TTLL5: variants seen among roughly 807,000 people sequenced by gnomAD.
The protein encoded by TTLL5 is tubulin polyglutamylase TTLL5.
Under a neutral mutation model 168.4 loss-of-function variants are expected in TTLL5, and 132 were observed. The observed-to-expected ratio is 0.78, with a 90% confidence interval of 0.68 to 0.91. TTLL5 has a LOEUF of 0.91. TTLL5 is among the 40% of genes least tolerant of loss of function. The pLI is 0.00. For missense variants in TTLL5, 1,545 were observed against 1,581.5 expected (o/e 0.98, Z 0.39); for synonymous variants, 546 against 558.6 (o/e 0.98, Z 0.32).
At chr14:75,827,233 G>A (rs940045429) in intron 28 of TTLL5, among the ~76,000 whole-genome samples, 2 of 151,968 alleles carry the variant, frequency 1.3e-5, no homozygotes, top group Non-Finnish European at 2.9e-5. Context: ...TGCTACACTG[G>A]GACACAGTTT....
At chr14:75,707,116 T>C in intron 8 of TTLL5, 29 bp downstream of exon 8, 1 of 1,581,812 alleles carries the variant, frequency 6.3e-7, no homozygotes, top group Non-Finnish European at 8.7e-7. Context: ...CTTGACCAAA[T>C]TGGGCCAGAT....
chr14:75,879,297 C>T (rs753356839), intron 29 of TTLL5, among the ~76,000 whole-genome samples: 1 of 152,164 alleles, frequency 6.6e-6, no homozygotes, highest in Non-Finnish European at 1.5e-5. Context: ...CATATGTTTC[C>T]GTTTTAAGAA....
At chr14:75,911,325 G>A (rs893984014) in intron 31 of TTLL5, among the ~76,000 whole-genome samples, 1 of 152,156 alleles carries the variant, frequency 6.6e-6, no homozygotes, top group Non-Finnish European at 1.5e-5. Context: ...GAGCCACCGC[G>A]CCCAGTCTGG....
At chr14:75,682,165 G>A (rs1011127993) in intron 4 of TTLL5, among the ~76,000 whole-genome samples, 86 of 150,972 alleles carry the variant, frequency 5.7e-4, no homozygotes, top group Non-Finnish European at 8.6e-4. Flanking sequence ...ACTCCAGCCT[G>A]GGTGACAGAG....
chr14:75,683,514 GT>G (rs1183067420), intron 4 of TTLL5, 35 bp from the exon 5 acceptor site: 3 of 1,523,288 alleles, frequency 2.0e-6, no homozygotes, highest in East Asian at 2.3e-5. Context: ...TATCTCTGAT[GT>G]TTTTTTGCCT....
chr14:75,730,466 G>C (rs1412810098), intron 12 of TTLL5, among the ~76,000 whole-genome samples: 1 of 152,140 alleles, frequency 6.6e-6, no homozygotes, highest in African/African-American at 2.4e-5. Flanking sequence ...CTCTTGTATA[G>C]TTTGTGATGA....
At chr14:75,671,332 G>GT (rs2140095093) in intron 3 of TTLL5, among the ~76,000 whole-genome samples, 2 of 152,276 alleles carry the variant, frequency 1.3e-5, no homozygotes, top group South Asian at 4.1e-4. Context: ...ATTGCGGATT[G>GT]TAAGTCCTCT....
intron 31 of TTLL5, among the ~76,000 whole-genome samples, chr14:75,931,383 G>A (rs1338089197): frequency 6.6e-6 from 1 of 152,094 alleles, no homozygotes; most frequent in Non-Finnish European, 1.5e-5. Flanking sequence ...CCTCCCCTCA[G>A]TCCGCATATT....
intron 3 of TTLL5, among the ~76,000 whole-genome samples, chr14:75,678,116 G>T (rs1456969533): frequency 6.6e-6 from 1 of 152,122 alleles, no homozygotes; most frequent in Non-Finnish European, 1.5e-5. Context: ...GACTTTTCAT[G>T]TGCAAAAATG....
At chr14:75,893,252 A>G (rs1261036666) in intron 30 of TTLL5, among the ~76,000 whole-genome samples, 1 of 152,204 alleles carries the variant, frequency 6.6e-6, no homozygotes, top group Non-Finnish European at 1.5e-5. Flanking sequence ...TCCAGAATTG[A>G]AGAAGACATG....
intron 24 of TTLL5, among the ~76,000 whole-genome samples, chr14:75,781,047 G>T (rs1211086853): frequency 6.6e-6 from 1 of 152,154 alleles, no homozygotes; most frequent in Admixed American, 6.6e-5. Flanking sequence ...AAGAGTTTTG[G>T]CTAAGGGAGA....
chr14:75,880,154 A>AGT (rs1401161641), intron 29 of TTLL5, among the ~76,000 whole-genome samples: 3 of 151,826 alleles, frequency 2.0e-5, no homozygotes, highest in South Asian at 4.2e-4. Context: ...AGAGAGAGAG[A>AGT]GTGTGTGTAC....
At chr14:75,700,433 A>G (rs948993125) in intron 7 of TTLL5, among the ~76,000 whole-genome samples, 3 of 152,142 alleles carry the variant, frequency 2.0e-5, no homozygotes, top group African/African-American at 7.2e-5. Flanking sequence ...CTCTAGGAAC[A>G]CTCGACTGGT....
intron 31 of TTLL5, among the ~76,000 whole-genome samples, chr14:75,940,893 C>A (rs2034581086): frequency 1.3e-5 from 2 of 152,090 alleles, no homozygotes; most frequent in South Asian, 2.1e-4. Context: ...GTGCATTTTT[C>A]TTAGAAGAAT....
chr14:75,946,601 CTG>C lies in TTLL5; in HGVS notation c.3824-7817_3824-7816del, dbSNP rs150023564. On this transcript the variant is annotated intron_variant, in intron 31 of 31. Transcript: ENST00000298832. ...GCAACAAATATGGACCAAGCATCTT[CTG>C]TGTGTTCAGCACTATTCTAGGCACT... 8.9e-4 allele frequency among the ~76,000 whole-genome samples: 135 copies of C among 152,356 alleles called. 1 individual carries two copies. The highest frequency in any genetic ancestry group is 3.2e-3 in the African/African-American group (132 of 41,588).
At chr14:75,670,540 C>T (rs6574251) in intron 3 of TTLL5, among the ~76,000 whole-genome samples, 91,687 of 152,084 alleles carry the variant, frequency 0.6, 28,838 homozygotes, top group Non-Finnish European at 0.69. Context: ...CCGTCAACAA[C>T]GTATAGGGGT....
At chr14:75,776,579 A>G in intron 22 of TTLL5, 168 bp from the exon 23 acceptor site, 3 of 476,970 alleles carry the variant, frequency 6.3e-6, no homozygotes, top group Non-Finnish European at 1.1e-5. Flanking sequence ...AATCATGGCC[A>G]AAAGTAATAT....
chr14:75,829,056 AAT>A (rs1895408920), intron 28 of TTLL5, among the ~76,000 whole-genome samples: 1 of 152,264 alleles, frequency 6.6e-6, no homozygotes, highest in African/African-American at 2.4e-5. Flanking sequence ...ACTATAAAGC[AAT>A]ATGTGCTTAA....
At chr14:75,806,766 T>C (rs1893681989) in intron 27 of TTLL5, among the ~76,000 whole-genome samples, 1 of 152,346 alleles carries the variant, frequency 6.6e-6, no homozygotes, top group African/African-American at 2.4e-5. Flanking sequence ...ACTCAAAAAA[T>C]GTGCTGATTC....
Sources: allele counts gnomAD v4.1 joint callset (sites outside exome capture counted in the v4.1 genomes callset), GRCh38; gene constraint gnomAD v4.1.1; transcripts MANE v1.5; gene names NCBI Gene and HGNC (gene_info 2026-07-23, HGNC 2026-07-21).